Variants in MSI1 observed in about 807,000 individuals in gnomAD.
MSI1 encodes musashi RNA binding protein 1, also known as RNA-binding protein Musashi homolog 1.
MSI1 carries 15 observed loss-of-function variants against 54.4 expected under a neutral mutation model. The ratio of observed to expected loss-of-function variants is 0.28; its 90% CI spans 0.18 to 0.42. MSI1 has a LOEUF of 0.42. Ranked by LOEUF, MSI1 falls within the 20% of genes least tolerant of loss-of-function variation. The pLI, the probability that MSI1 is intolerant of heterozygous loss-of-function variation, is 1.00. For missense variants in MSI1, 304 were observed against 506.0 expected (o/e 0.60, Z 3.83); for synonymous variants, 200 against 196.5 (o/e 1.02, Z -0.15).
intron 6 of MSI1, among the ~76,000 whole-genome samples, chr12:120,362,167 C>A (rs549887283): frequency 9.2e-5 from 14 of 152,082 alleles, no homozygotes; most frequent in South Asian, 2.1e-4. Context: ...CTCCCCCCCC[C>A]ACACAATCCC....
chr12:120,364,804 G>A, intron 4 of MSI1, 49 bp from the exon 5 acceptor site: 1 of 1,549,374 alleles, frequency 6.5e-7, no homozygotes, highest in Non-Finnish European at 8.8e-7. Context: ...CGCATTTTTA[G>A]AAGAGCGACC....
chr12:120,351,203 GCA>G lies in MSI1; in HGVS notation c.790+139_790+140del, dbSNP rs1874566581. 7.1e-6 allele frequency: 6 copies of G among 843,400 alleles called. No homozygotes were observed. The South Asian group carries it at 9.0e-5, about 13-fold the overall frequency. 52.2% of individuals were successfully genotyped at this position (843,400 alleles called of 1,614,324 possible). On this transcript the variant is annotated intron_variant, in intron 11 of 14. Transcript: ENST00000257552. ...GCCGCCCAGACTGGCCAGTGCCCAG[GCA>G]CAGTCTGCTGTGTCCCCACAGCCGG...
At chr12:120,359,444 G>T (rs1362240015) in intron 6 of MSI1, among the ~76,000 whole-genome samples, 2 of 152,164 alleles carry the variant, frequency 1.3e-5, no homozygotes, top group African/African-American at 2.4e-5. Context: ...ATGACAAGAT[G>T]GGGAAGCAAA....
In MSI1 at chr12:120,346,143, T is replaced by C; in HGVS notation, c.1039A>G (p.Ser347Gly). The C allele has an allele frequency of 6.3e-7, 1 of 1,577,182 alleles. No homozygotes were observed. The part of the protein sequence containing the change: ...SPAPSTGFGH[S>G]LGGPLIATAF... ...TAGGCCTGGCCACTCACCCCAAGAC[T>C]GTGGCCGAAGCCGGTGCTGGGGGCA... The change falls in exon 13 of 15, where the codon AGT becomes GGT. Residue 347 changes from serine to glycine, a missense_variant. This residue lies in a region of MSI1 where 147 missense variants were observed against 231.5 expected (regional missense o/e 0.64). Coordinates refer to ENST00000257552, the MANE Select transcript of MSI1 (RefSeq NM_002442.4).
intron 9 of MSI1, among the ~76,000 whole-genome samples, chr12:120,356,118 G>C (rs913719344): frequency 1.2e-4 from 19 of 152,266 alleles, no homozygotes; most frequent in Non-Finnish European, 2.6e-4. Flanking sequence ...CTCCAGGTGG[G>C]TTTAGGGGCC....
chr12:120,362,449 A>G (rs1441974580), intron 6 of MSI1, among the ~76,000 whole-genome samples: 1 of 152,100 alleles, frequency 6.6e-6, no homozygotes, highest in Non-Finnish European at 1.5e-5. Context: ...ACCTCTTCAG[A>G]GGCCCAGAAA....
chr12:120,363,271 C>T (rs1367340908), intron 5 of MSI1, 136 bp from the exon 6 acceptor site: 9 of 597,568 alleles, frequency 1.5e-5, no homozygotes, highest in Admixed American at 6.0e-5. Flanking sequence ...GCCCCCCCCC[C>T]GCAAGCTCCC....
rs1223307194 is a variant in MSI1 at position 120,343,600 on chromosome 12, C to T, written c.*22-495G>A. On this transcript the variant is annotated intron_variant, in intron 14 of 14. Transcript: ENST00000257552. ...AATGGCTGGATTTATTTAAATGTCCCCTTCTCAGAGATACCTTCTCTAAAC... is the reference window on the plus strand; with the variant it reads ...AATGGCTGGATTTATTTAAATGTCCTCTTCTCAGAGATACCTTCTCTAAAC... Among the ~76,000 whole-genome samples, 6 of 152,142 alleles carry T rather than the reference C, an allele frequency of 3.9e-5. No individual in the cohort carries two copies. The East Asian group carries it at 1.2e-3, about 29-fold the overall frequency.
intron 6 of MSI1, 104 bp from the exon 7 acceptor site, chr12:120,359,157 G>A: frequency 7.2e-7 from 1 of 1,397,792 alleles, no homozygotes; most frequent in Non-Finnish European, 9.9e-7. Context: ...CCCACTCCAG[G>A]CTTGACCTTC....
chr12:120,348,539 C>T (rs570604462), intron 11 of MSI1, among the ~76,000 whole-genome samples: 6 of 148,108 alleles, frequency 4.1e-5, no homozygotes, highest in African/African-American at 1.5e-4. Flanking sequence ...TGGAACTTCT[C>T]ACCCTCCAAA....
chr12:120,363,650 GC>G (rs1875834903), intron 5 of MSI1, among the ~76,000 whole-genome samples: 1 of 152,144 alleles, frequency 6.6e-6, no homozygotes, highest in Non-Finnish European at 1.5e-5. Flanking sequence ...GCAATTCCCA[GC>G]CCCATCCTAA....
intron 10 of MSI1, among the ~76,000 whole-genome samples, chr12:120,352,129 C>T (rs1874667899): frequency 6.6e-6 from 1 of 151,964 alleles, no homozygotes; most frequent in African/African-American, 2.4e-5. Context: ...GCGATCCTCC[C>T]ACCTCAGCCT....
chr12:120,363,379 A>C (rs1339160428), intron 5 of MSI1, among the ~76,000 whole-genome samples: 4 of 150,600 alleles, frequency 2.7e-5, no homozygotes, highest in African/African-American at 9.8e-5. Flanking sequence ...CCTAGGGACT[A>C]TGTCCAGAAA....
chr12:120,349,895 T>G (rs79198687), intron 11 of MSI1, among the ~76,000 whole-genome samples: 2,404 of 152,332 alleles, frequency 0.016, 57 homozygotes, highest in African/African-American at 0.055. Flanking sequence ...AGCATGTGCT[T>G]ACCACACTGT....
chr12:120,346,051 CAAA>C, intron 13 of MSI1, 81 bp downstream of exon 13: 1 of 1,249,122 alleles, frequency 8.0e-7, no homozygotes, highest in Non-Finnish European at 1.1e-6. Flanking sequence ...CCCCCAGAGA[CAAA>C]GAAGTTCTCT....
intron 4 of MSI1, among the ~76,000 whole-genome samples, chr12:120,367,551 G>A (rs1876091566): frequency 6.6e-6 from 1 of 152,154 alleles, no homozygotes; most frequent in African/African-American, 2.4e-5. Flanking sequence ...GAGGGAAGGA[G>A]AGAGGGAGGG....
chr12:120,352,895 C>T (rs529721889), intron 10 of MSI1, among the ~76,000 whole-genome samples: 2 of 152,252 alleles, frequency 1.3e-5, no homozygotes, highest in East Asian at 1.9e-4. Flanking sequence ...CTTGTCTGGA[C>T]TTGAAAGAGC....
Position 120,345,601 on chromosome 12 carries a change from C to G in MSI1, c.1079G>C (p.Gly360Ala). The change falls in exon 14 of 15, where the codon GGG (glycine) becomes GCG (alanine). Residue 360 changes from glycine (G) to alanine (A), a missense_variant. This residue lies in a region of MSI1 where 147 missense variants were observed against 231.5 expected (regional missense o/e 0.64). Transcript: ENST00000257552. The part of the protein sequence containing the change: ...GPLIATAFTN[G>A]YH ...CCACCGTCCCCTGCTTCAGTGGTAC[C>G]CATTGGTGAAGGCTGTGGCAATCAA... The G allele has an allele frequency of 6.2e-7, 1 of 1,613,928 alleles. No homozygotes were observed. Among genetic ancestry groups the G allele is most frequent in the Non-Finnish European group, 8.5e-7 (1 of 1,179,958 alleles).
At chr12:120,364,442 T>C (rs1238533356) in intron 5 of MSI1, among the ~76,000 whole-genome samples, 1 of 152,054 alleles carries the variant, frequency 6.6e-6, no homozygotes, top group Non-Finnish European at 1.5e-5. Flanking sequence ...TGGGTTCAAA[T>C]ACAGGACGAT....
Sources: allele counts gnomAD v4.1 joint callset (sites outside exome capture counted in the v4.1 genomes callset), GRCh38; gene constraint gnomAD v4.1.1; regional missense constraint gnomAD v4.1.1; transcripts MANE v1.5; gene names NCBI Gene and HGNC (gene_info 2026-07-23, HGNC 2026-07-21).